Variants in SH3GL2 observed in about 807,000 individuals in gnomAD.
SH3GL2 encodes SH3 domain containing GRB2 like 2, endophilin A1.
A neutral mutation model predicts 46.0 loss-of-function variants in SH3GL2; 24 were observed. The ratio of observed to expected loss-of-function variants is 0.52; its 90% CI spans 0.38 to 0.73. SH3GL2 has a LOEUF of 0.73. Ranked by LOEUF, SH3GL2 falls within the 30% of genes least tolerant of loss-of-function variation. The pLI is 0.00. For missense variants in SH3GL2, 413 were observed against 424.2 expected, an observed-to-expected ratio of 0.97 and a Z score of 0.23; for synonymous variants, 196 against 147.1, an observed-to-expected ratio of 1.33 and a Z score of -2.40.
intron 3 of SH3GL2, among the ~76,000 whole-genome samples, chr9:17,778,968 C>G (rs1187733326): frequency 6.6e-6 from 1 of 151,968 alleles, no homozygotes; most frequent in Admixed American, 6.6e-5. Flanking sequence ...GTTTGAGAGG[C>G]CTACACATCC....
chr9:17,700,835 T>C (rs1821327163), intron 1 of SH3GL2, among the ~76,000 whole-genome samples: 1 of 152,216 alleles, frequency 6.6e-6, no homozygotes, highest in African/African-American at 2.4e-5. Flanking sequence ...GAATGCTAGT[T>C]AATAGCTTTT....
intron 1 of SH3GL2, among the ~76,000 whole-genome samples, chr9:17,672,111 C>A (rs1189121329): frequency 6.6e-6 from 1 of 152,212 alleles, no homozygotes; most frequent in African/African-American, 2.4e-5. Context: ...TAAATCTACT[C>A]TGCAGTGTGA....
rs772696345 is a variant in SH3GL2, at chr9:17,718,200, A to T, written c.46-28866A>T. ...TAGAAAACAATTTTCTGAAGAAAGCAGTGACAAAATTCCAATATCATGGTT... is the reference window on the plus strand; with the variant it reads ...TAGAAAACAATTTTCTGAAGAAAGCTGTGACAAAATTCCAATATCATGGTT... On this transcript the variant is annotated intron_variant, in intron 1 of 8. Transcript: ENST00000380607. 5.3e-5 allele frequency among the ~76,000 whole-genome samples: 8 copies of T among 152,304 alleles called. No individual in the cohort carries two copies. The East Asian group carries it at 1.2e-3, about 22-fold the overall frequency.
chr9:17,725,696 C>T (rs1398638955), intron 1 of SH3GL2, among the ~76,000 whole-genome samples: 2 of 152,020 alleles, frequency 1.3e-5, no homozygotes, highest in Admixed American at 6.6e-5. Flanking sequence ...TTTTAAGGGC[C>T]CCAGTATTCT....
intron 8 of SH3GL2, among the ~76,000 whole-genome samples, chr9:17,794,542 A>G (rs1430745630): frequency 6.6e-6 from 1 of 152,108 alleles, no homozygotes; most frequent in Non-Finnish European, 1.5e-5. Flanking sequence ...AACCAACCAT[A>G]TATTTCACTT....
chr9:17,601,255 C>A (rs1179930229), intron 1 of SH3GL2, among the ~76,000 whole-genome samples: 3 of 151,042 alleles, frequency 2.0e-5, no homozygotes, highest in Non-Finnish European at 2.9e-5. Context: ...TTTTTGGAAT[C>A]AATTTTTTTT....
At chr9:17,789,834 G>C in intron 6 of SH3GL2, 2 of 882,574 alleles carry the variant, frequency 2.3e-6, no homozygotes, top group Non-Finnish European at 2.7e-6. Flanking sequence ...AATATATCAT[G>C]TAATTTATCG....
At chr9:17,759,097 A>G (rs1823093671) in intron 2 of SH3GL2, among the ~76,000 whole-genome samples, 1 of 152,152 alleles carries the variant, frequency 6.6e-6, no homozygotes, top group Non-Finnish European at 1.5e-5. Context: ...TCTGTAGCCA[A>G]AATGAGAAAC....
chr9:17,647,067 C>A (rs1040067852), intron 1 of SH3GL2, among the ~76,000 whole-genome samples: 1 of 152,140 alleles, frequency 6.6e-6, no homozygotes, highest in African/African-American at 2.4e-5. Context: ...TCAGAGATGC[C>A]CTGCCCAGAG....
intron 1 of SH3GL2, among the ~76,000 whole-genome samples, chr9:17,580,110 AGAATTT>A (rs1224344936): frequency 6.6e-6 from 1 of 152,196 alleles, no homozygotes; most frequent in Non-Finnish European, 1.5e-5. Context: ...TTGGACTCAA[AGAATTT>A]TACATAGGGG....
At chr9:17,649,269 G>A (rs1252985879) in intron 1 of SH3GL2, among the ~76,000 whole-genome samples, 1 of 152,146 alleles carries the variant, frequency 6.6e-6, no homozygotes, top group South Asian at 2.1e-4. Context: ...GTTTTGCCGT[G>A]TTGGCTAGGC....
chr9:17,750,571 A>G (rs1324339370), intron 2 of SH3GL2, among the ~76,000 whole-genome samples: 1 of 152,078 alleles, frequency 6.6e-6, no homozygotes, highest in African/African-American at 2.4e-5. Flanking sequence ...AGTGCCTTGC[A>G]TGGAATTCTT....
intron 1 of SH3GL2, among the ~76,000 whole-genome samples, chr9:17,615,464 G>A (rs924087898): frequency 5.3e-5 from 8 of 151,950 alleles, no homozygotes; most frequent in Admixed American, 3.3e-4. Flanking sequence ...AGACTATCCT[G>A]GCTAACACAG....
chr9:17,770,072 T>C (rs964941696), intron 3 of SH3GL2, among the ~76,000 whole-genome samples: 2 of 152,186 alleles, frequency 1.3e-5, no homozygotes, highest in South Asian at 4.1e-4. Context: ...TTCAGGTAAG[T>C]GTCGTGGTCT....
intron 1 of SH3GL2, among the ~76,000 whole-genome samples, chr9:17,676,640 A>G (rs930244807): frequency 7.2e-5 from 11 of 152,150 alleles, no homozygotes; most frequent in Admixed American, 2.0e-4. Context: ...TATCACAAAT[A>G]TTGTTACATA....
intron 1 of SH3GL2, among the ~76,000 whole-genome samples, chr9:17,718,493 C>G (rs537215112): frequency 6.6e-6 from 1 of 152,182 alleles, no homozygotes; most frequent in African/African-American, 2.4e-5. Context: ...GACGCCAAGG[C>G]GGGTGGATTG....
chr9:17,616,620 A>G (rs764661385), intron 1 of SH3GL2, among the ~76,000 whole-genome samples: 12 of 152,210 alleles, frequency 7.9e-5, no homozygotes, highest in Non-Finnish European at 1.8e-4. Context: ...ATCTTTTGAA[A>G]TCATGCAGGG....
Position 17,793,488 on chromosome 9 carries a change from A to G in SH3GL2, c.850A>G (p.Lys284Glu), listed in dbSNP as rs1156307072. The change falls in exon 8 of 9, where the codon AAA becomes GAA. Residue 284 changes from lysine to glutamate, a missense_variant. Transcript: ENST00000380607. Reference sequence around the variant, plus strand: ...GGGTCTCTCCCACACAGGCACTCCCAAACCTTCAGGTAAGAGCTGAAACTG... The same window carrying G: ...GGGTCTCTCCCACACAGGCACTCCCGAACCTTCAGGTAAGAGCTGAAACTG... ...NGGLSHTGTP[K>E]PSGVQMDQPC... The G allele has an allele frequency of 6.2e-7, 1 of 1,613,140 alleles. No individual in the cohort carries two copies. The highest frequency in any genetic ancestry group is 1.1e-5 in the South Asian group (1 of 90,820).
intron 1 of SH3GL2, among the ~76,000 whole-genome samples, chr9:17,681,996 A>G (rs1820781880): frequency 6.6e-6 from 1 of 152,200 alleles, no homozygotes; most frequent in East Asian, 1.9e-4. Context: ...GAGAAATGCA[A>G]ATCAAAACTG....
Sources: gnomAD v4.1 joint callset for allele counts (sites outside exome capture counted in the v4.1 genomes callset) on GRCh38, gnomAD v4.1.1 for gene constraint, MANE v1.5 for transcripts, NCBI Gene and HGNC (gene_info 2026-07-23, HGNC 2026-07-21) for gene names.